RAD21L1: variants seen among roughly 807,000 people sequenced by gnomAD.
The protein encoded by RAD21L1 is double-strand-break repair protein rad21-like protein 1.
Under a neutral mutation model 69.0 loss-of-function variants are expected in RAD21L1, and 47 were observed. That is an observed-to-expected ratio of 0.68 (90% CI 0.54 to 0.87). RAD21L1 has a LOEUF of 0.87. Among genes scored for constraint, RAD21L1 ranks in the 40% least tolerant of loss-of-function variants. The pLI, the probability that RAD21L1 is intolerant of heterozygous loss-of-function variation, is 0.00. For missense variants in RAD21L1, 583 were observed against 647.6 expected (o/e 0.90, Z 1.08); for synonymous variants, 177 against 205.8 (o/e 0.86, Z 1.20).
intron 8 of RAD21L1, among the ~76,000 whole-genome samples, chr20:1,241,758 G>A (rs955849880): frequency 3.3e-5 from 5 of 152,146 alleles, no homozygotes; most frequent in Non-Finnish European, 7.4e-5. Context: ...GGATTTTACT[G>A]AGGCACATCA....
intron 13 of RAD21L1, among the ~76,000 whole-genome samples, chr20:1,250,277 G>T (rs1364825787): frequency 3.0e-5 from 4 of 134,952 alleles, no homozygotes; most frequent in African/African-American, 8.3e-5. Flanking sequence ...ATTATACTAT[G>T]AGTTTTAGGG....
chr20:1,248,532 T>C, intron 12 of RAD21L1, 94 bp from the exon 13 acceptor site: 1 of 616,274 alleles, frequency 1.6e-6, no homozygotes, highest in Non-Finnish European at 2.8e-6. Flanking sequence ...TTGTAATAAT[T>C]GTGTTTCTTG....
intron 11 of RAD21L1, among the ~76,000 whole-genome samples, chr20:1,245,971 G>A: frequency 6.6e-6 from 1 of 152,050 alleles, no homozygotes; most frequent in East Asian, 1.9e-4. Flanking sequence ...AAAAGGATAG[G>A]AAGCAAGGAG....
At position 1,254,560 on chromosome 20, in the gene RAD21L1, T is replaced by G; in HGVS notation, c.*103T>G. 1.4e-6 allele frequency: 1 copy of G among 711,270 alleles called. No individual in the cohort carries two copies. The highest frequency in any genetic ancestry group is 3.2e-5 in the South Asian group (1 of 31,446). The allele number at this position is 711,270 out of a possible 1,614,324, so 44.1% of individuals were successfully genotyped here. A position where few individuals can be genotyped will look rare whatever the true frequency, so the allele number is the denominator to read the frequency against. ...GGAAGCAGCTGAAGGTCTGATCCATTTCATAGATAGGCTGACCTACTTCCT... is the reference window on the plus strand; with the variant it reads ...GGAAGCAGCTGAAGGTCTGATCCATGTCATAGATAGGCTGACCTACTTCCT... On this transcript the variant is annotated 3_prime_UTR_variant, in exon 14 of 14. Transcript: ENST00000683101.
At chr20:1,229,795 A>T in intron 2 of RAD21L1, 85 bp from the exon 3 acceptor site, 1 of 1,043,530 alleles carries the variant, frequency 9.6e-7, no homozygotes, top group Non-Finnish European at 1.4e-6. Flanking sequence ...TAAGAGAACC[A>T]ATTCTTACGA....
intron 10 of RAD21L1, among the ~76,000 whole-genome samples, chr20:1,243,812 G>T (rs1377122481): frequency 6.6e-6 from 1 of 152,174 alleles, no homozygotes; most frequent in Non-Finnish European, 1.5e-5. Flanking sequence ...GTGTGAGAGC[G>T]TGTGTAGAGG....
Position 1,242,659 on chromosome 20 carries a change from C to T in RAD21L1, c.897C>T (p.Leu299=). 1.3e-6 allele frequency: 2 copies of T among 1,551,524 alleles called. No individual in the cohort carries two copies. The highest frequency in any genetic ancestry group is 1.7e-6 in the Non-Finnish European group (2 of 1,146,862). The change falls in exon 9 of 14, where the codon CTC becomes CTT. Residue 299 remains leucine, a synonymous_variant. Transcript: ENST00000683101. The part of the protein sequence containing the change: ...EKRKGKKRRL[L]IDPIKELSSK... Reference sequence around the variant, plus strand: ...GGAAAGGCAAAAAGAGGAGATTGCTCATAGATCCTATCAAGGAGCTCAGTA... The same window carrying T: ...GGAAAGGCAAAAAGAGGAGATTGCTTATAGATCCTATCAAGGAGCTCAGTA...
chr20:1,245,626 T>C (rs2087702633), intron 11 of RAD21L1, among the ~76,000 whole-genome samples: 1 of 152,000 alleles, frequency 6.6e-6, no homozygotes, highest in South Asian at 2.1e-4. Flanking sequence ...AAGGAGATGA[T>C]AGGGACTAGG....
rs1235743116 is a variant in RAD21L1, at chr20:1,255,827, G to C, written c.*1370G>C. On this transcript the variant is annotated 3_prime_UTR_variant, in exon 14 of 14. Transcript: ENST00000683101. Reference sequence around the variant, plus strand: ...TCACACAGATGGAATCATATAGCATGTAAGCTTTCGATACGGGCTTCTTTC... The same window carrying C: ...TCACACAGATGGAATCATATAGCATCTAAGCTTTCGATACGGGCTTCTTTC... Among the ~76,000 whole-genome samples, 1 of 152,186 alleles carries C rather than the reference G, an allele frequency of 6.6e-6. No homozygotes were observed. Among genetic ancestry groups the C allele is most frequent in the African/African-American group, 2.4e-5 (1 of 41,442 alleles).
Position 1,246,250 on chromosome 20 carries a change from C to T in RAD21L1, c.1346C>T (p.Ser449Leu). 2.6e-6 allele frequency: 4 copies of T among 1,541,512 alleles called. No individual in the cohort carries two copies. Among genetic ancestry groups the T allele is most frequent in the Non-Finnish European group, 2.6e-6 (3 of 1,142,758 alleles). ...ATGGTGTCTTTAGCTGCTGAGGAAT[C>T]ATCTTTAATGAATGACTTATTTGCA... ...VEMVSLAAEESSLMNDLFAQE... is the reference protein window; with the variant it reads ...VEMVSLAAEELSLMNDLFAQE... The change falls in exon 12 of 14, where the codon TCA (serine) becomes TTA (leucine). Residue 449 changes from serine to leucine, a missense_variant. Transcript: ENST00000683101. This position sits in a 1 kb window ranked among gnomAD's most constrained non-coding sequence, Gnocchi z 4.6.
chr20:1,246,315 T>C lies in RAD21L1; in HGVS notation c.1401+10T>C, dbSNP rs975695892. ...TAGTCCAGTTGAATTGGTAAATATA[T>C]GTGTAGTCTTGGGGATGTTCTTAAA... On this transcript the variant is annotated intron_variant, in intron 12 of 13. Coordinates refer to ENST00000683101, the MANE Select transcript of RAD21L1 (RefSeq NM_001384355.1). This position sits in a 1 kb window ranked among gnomAD's most constrained non-coding sequence, Gnocchi z 4.6. 3.7e-6 allele frequency: 5 copies of C among 1,350,316 alleles called. No individual in the cohort carries two copies. Among genetic ancestry groups the C allele is most frequent in the Non-Finnish European group, 4.1e-6 (4 of 982,206 alleles). The allele number at this position is 1,350,316 out of a possible 1,614,324, so 83.6% of individuals were successfully genotyped here. A position where few individuals can be genotyped will look rare whatever the true frequency, so the allele number is the denominator to read the frequency against.
chr20:1,228,010 A>G (rs2087300358), intron 1 of RAD21L1, among the ~76,000 whole-genome samples: 3 of 152,188 alleles, frequency 2.0e-5, no homozygotes, highest in Admixed American at 6.5e-5. Context: ...TAAGTTTTAG[A>G]AAAGAGGTGC....
chr20:1,243,247 A>T, intron 10 of RAD21L1, 51 bp downstream of exon 10: 1 of 884,490 alleles, frequency 1.1e-6, no homozygotes, highest in Non-Finnish European at 1.7e-6. Context: ...TGGAAACAAA[A>T]ATTTGATGTT....
At chr20:1,235,281 A>G (rs2087471055) in intron 5 of RAD21L1, among the ~76,000 whole-genome samples, 1 of 152,124 alleles carries the variant, frequency 6.6e-6, no homozygotes, top group Non-Finnish European at 1.5e-5. Flanking sequence ...GAGGGGAGTC[A>G]AGAAAGTAAT....
intron 7 of RAD21L1, among the ~76,000 whole-genome samples, chr20:1,240,108 G>A (rs756345394): frequency 2.0e-5 from 3 of 152,156 alleles, no homozygotes; most frequent in African/African-American, 4.8e-5. Flanking sequence ...AGGGGATGAT[G>A]ATACTTGACT....
intron 5 of RAD21L1, among the ~76,000 whole-genome samples, chr20:1,236,605 G>A (rs1416372870): frequency 2.0e-5 from 3 of 152,156 alleles, no homozygotes; most frequent in Non-Finnish European, 4.4e-5. Context: ...TTGATTTCCT[G>A]TGTGACACTG....
chr20:1,228,741 G>T, intron 2 of RAD21L1, 144 bp downstream of exon 2: 1 of 623,326 alleles, frequency 1.6e-6, no homozygotes, highest in Non-Finnish European at 2.7e-6. Flanking sequence ...ATAGCATTTA[G>T]TGTTATAACA....
chr20:1,254,145 TAAGGA>T, intron 13 of RAD21L1, 119 bp from the exon 14 acceptor site: 3 of 626,772 alleles, frequency 4.8e-6, no homozygotes, highest in Non-Finnish European at 5.2e-6. Context: ...TTTTTCCATT[TAAGGA>T]TTTTATAGTC....
At chr20:1,227,501 C>G (rs894365372) in intron 1 of RAD21L1, among the ~76,000 whole-genome samples, 8 of 152,188 alleles carry the variant, frequency 5.3e-5, no homozygotes, top group Non-Finnish European at 1.2e-4. Flanking sequence ...TTCGTCTTGG[C>G]TCAGTTTTCT....
Sources: gnomAD v4.1 joint callset for allele counts (sites outside exome capture counted in the v4.1 genomes callset) on GRCh38, gnomAD v4.1.1 for gene constraint, Gnocchi (gnomAD v3.1) non-coding constraint, MANE v1.5 for transcripts, NCBI Gene and HGNC (gene_info 2026-07-23, HGNC 2026-07-21) for gene names.